Variants in SIK2 observed in about 807,000 individuals in gnomAD.
The protein encoded by SIK2 is serine/threonine-protein kinase SIK2.
Under a neutral mutation model 103.2 loss-of-function variants are expected in SIK2, and 29 were observed. The observed-to-expected ratio is 0.28, with a 90% CI of 0.21 to 0.38. The LOEUF (loss-of-function observed/expected upper bound fraction) is 0.38, where lower values mean the gene tolerates loss of function less well. Ranked by LOEUF, SIK2 falls within the 10% of genes least tolerant of loss-of-function variation. The pLI, the probability that SIK2 is intolerant of heterozygous loss-of-function variation, is 1.00. For synonymous variants in SIK2, 412 were observed against 446.1 expected (o/e 0.92, Z 0.96); for missense variants, 879 against 1,171.0 (o/e 0.75, Z 3.64).
chr11:111,654,946 T>C (rs987207248), intron 3 of SIK2, among the ~76,000 whole-genome samples: 1 of 152,228 alleles, frequency 6.6e-6, no homozygotes, highest in African/African-American at 2.4e-5. Flanking sequence ...TTTCAGAAGA[T>C]TATTATGAGT....
At chr11:111,703,482 C>A in intron 7 of SIK2, 59 bp downstream of exon 7, 5 of 1,471,628 alleles carry the variant, frequency 3.4e-6, no homozygotes, top group South Asian at 1.2e-5. Context: ...ATTTCATGCT[C>A]ACACCTGTCA....
intron 3 of SIK2, among the ~76,000 whole-genome samples, chr11:111,641,807 C>T (rs1357624677): frequency 6.6e-6 from 1 of 152,058 alleles, no homozygotes; most frequent in Non-Finnish European, 1.5e-5. Flanking sequence ...CTATGTGTAC[C>T]GTATGAGAGA....
chr11:111,611,086 ATGTGTG>A (rs113893092), intron 1 of SIK2, among the ~76,000 whole-genome samples: 6 of 89,692 alleles, frequency 6.7e-5, no homozygotes, highest in African/African-American at 1.1e-4. Flanking sequence ...TCTCGACCAA[ATGTGTG>A]TGTGTGTGTG....
chr11:111,623,289 A>T (rs561089164), intron 3 of SIK2, among the ~76,000 whole-genome samples: 1 of 152,256 alleles, frequency 6.6e-6, no homozygotes, highest in South Asian at 2.1e-4. Context: ...AACATCTAGA[A>T]TCCAGTTATG....
chr11:111,612,867 A>G lies in SIK2; in HGVS notation c.136-3376A>G, dbSNP rs995406348. 6.7e-5 allele frequency among the ~76,000 whole-genome samples: 10 copies of G among 148,396 alleles called. 1 individual carries two copies. The highest frequency in any genetic ancestry group is 1.2e-4 in the Non-Finnish European group (8 of 67,504). ...TCATGCTCTGCTTTTTCTTTAGAGA[A>G]GCATAATCCTCTCCTGTAATAGCCT... is the stretch of plus-strand genomic sequence containing the variant. On this transcript the variant is annotated intron_variant, in intron 1 of 14. Transcript: ENST00000304987.
chr11:111,652,769 T>C (rs1191380448), intron 3 of SIK2, among the ~76,000 whole-genome samples: 1 of 152,226 alleles, frequency 6.6e-6, no homozygotes, highest in Non-Finnish European at 1.5e-5. Flanking sequence ...GGATGTGTTA[T>C]CATTATCTTC....
chr11:111,685,557 GT>G (rs768208346), intron 3 of SIK2, among the ~76,000 whole-genome samples: 6 of 152,068 alleles, frequency 3.9e-5, no homozygotes, highest in Non-Finnish European at 7.4e-5. Context: ...CGAAAGGATG[GT>G]TAGGGTCTGG....
intron 3 of SIK2, among the ~76,000 whole-genome samples, chr11:111,643,191 G>A (rs929132569): frequency 6.6e-6 from 1 of 152,126 alleles, no homozygotes; most frequent in African/African-American, 2.4e-5. Context: ...TCAACCCCTA[G>A]TAAAGTGCTT....
chr11:111,620,107 A>T (rs953066949), intron 2 of SIK2, among the ~76,000 whole-genome samples: 1 of 152,212 alleles, frequency 6.6e-6, no homozygotes, highest in Admixed American at 6.5e-5. Flanking sequence ...CAGGTGGTTG[A>T]ATAGTGCTAC....
intron 1 of SIK2, among the ~76,000 whole-genome samples, chr11:111,612,944 A>ATATATATT (rs1184940281): frequency 4.7e-5 from 7 of 147,694 alleles, no homozygotes; most frequent in Non-Finnish European, 7.4e-5. Context: ...ATATATATAT[A>ATATATATT]TATTTATGAT....
At chr11:111,639,658 A>G (rs1221834284) in intron 3 of SIK2, among the ~76,000 whole-genome samples, 1 of 152,166 alleles carries the variant, frequency 6.6e-6, no homozygotes, top group Non-Finnish European at 1.5e-5. Flanking sequence ...CTTAAATGAG[A>G]TTCACATTCC....
At chr11:111,685,799 A>G (rs1942836952) in intron 3 of SIK2, among the ~76,000 whole-genome samples, 1 of 152,198 alleles carries the variant, frequency 6.6e-6, no homozygotes, top group African/African-American at 2.4e-5. Flanking sequence ...GAGGTGAGCT[A>G]TAATTGCACA....
chr11:111,646,911 G>C (rs1350014483), intron 3 of SIK2, among the ~76,000 whole-genome samples: 1 of 152,144 alleles, frequency 6.6e-6, no homozygotes, highest in Non-Finnish European at 1.5e-5. Context: ...TACAAATAAA[G>C]TTGCTGTAAA....
intron 8 of SIK2, among the ~76,000 whole-genome samples, chr11:111,707,698 C>A (rs1285567504): frequency 6.6e-6 from 1 of 152,160 alleles, no homozygotes; most frequent in Admixed American, 6.5e-5. Context: ...AGGCTTCTCA[C>A]TTTAATTCCT....
At chr11:111,679,539 G>A (rs139224856) in intron 3 of SIK2, among the ~76,000 whole-genome samples, 1 of 152,154 alleles carries the variant, frequency 6.6e-6, no homozygotes. Context: ...ACAATCTGTA[G>A]TTTTATATTC....
At chr11:111,607,459 A>G (rs936569800) in intron 1 of SIK2, among the ~76,000 whole-genome samples, 3 of 152,218 alleles carry the variant, frequency 2.0e-5, no homozygotes, top group Non-Finnish European at 4.4e-5. Flanking sequence ...AAGAGAACTC[A>G]TTTTAAAAAT....
rs1424839200 is a variant in SIK2, at chr11:111,602,763, A to T, written c.135+65A>T. The stretch of plus-strand genomic sequence containing the variant: ...TTCGGGAGAGGAGCTGCTTACCGAG[A>T]GGGGCGGCCGCAGTGGTGGGACCGG... On this transcript the variant is annotated intron_variant, in intron 1 of 14. Transcript: ENST00000304987. The surrounding 1 kb of genome is among the most constrained non-coding windows in gnomAD (Gnocchi z 4.5). 13 of 1,421,108 alleles carry T rather than the reference A, an allele frequency of 9.1e-6. No homozygotes were observed. The East Asian group carries it at 3.9e-4, about 42-fold the overall frequency. The allele number at this position is 1,421,108 out of a possible 1,614,324, so 88.0% of individuals were successfully genotyped here.
chr11:111,634,868 G>A (rs1942086523), intron 3 of SIK2, among the ~76,000 whole-genome samples: 1 of 152,198 alleles, frequency 6.6e-6, no homozygotes, highest in South Asian at 2.1e-4. Context: ...CTTCACATGT[G>A]TGAGGATGGT....
chr11:111,668,177 G>GGGGTGGGTGTGT (rs72041846), intron 3 of SIK2, among the ~76,000 whole-genome samples: 1 of 129,858 alleles, frequency 7.7e-6, no homozygotes, highest in African/African-American at 3.7e-5. Context: ...ACTAAAGTAA[G>GGGGTGGGTGTGT]GAGTGTGTGT....
Sources: allele counts gnomAD v4.1 joint callset (sites outside exome capture counted in the v4.1 genomes callset), GRCh38; gene constraint gnomAD v4.1.1; non-coding constraint Gnocchi (gnomAD v3.1); transcripts MANE v1.5; gene names NCBI Gene and HGNC (gene_info 2026-07-23, HGNC 2026-07-21).